The following ZNF521 variants were observed in gnomAD, a reference collection of about 807,000 sequenced individuals.
ZNF521 encodes the protein zinc finger protein 521, also known as LYST-interacting protein 3.
In ZNF521, 14 loss-of-function variants were observed where a neutral mutation model predicts 105.5. The ratio of observed to expected loss-of-function variants is 0.13; its 90% CI spans 0.09 to 0.21. ZNF521 has a LOEUF of 0.21. ZNF521 is among the 10% of genes least tolerant of loss of function. ZNF521 has a pLI of 1.00. For synonymous variants in ZNF521, 635 were observed against 606.0 expected (o/e 1.05, Z -0.70); for missense variants, 1,233 against 1,629.7 (o/e 0.76, Z 4.19).
chr18:25,333,501 T>C (rs1386698700), intron 2 of ZNF521, among the ~76,000 whole-genome samples: 1 of 152,098 alleles, frequency 6.6e-6, no homozygotes, highest in Non-Finnish European at 1.5e-5. Flanking sequence ...ATTTGAAACC[T>C]TACATTTAGC....
chr18:25,303,485 A>G (rs972095538), intron 3 of ZNF521, among the ~76,000 whole-genome samples: 1 of 151,896 alleles, frequency 6.6e-6, no homozygotes, highest in Admixed American at 6.6e-5. Context: ...TTTAGTAGAG[A>G]CGGGGTTTCA....
At chr18:25,334,401 C>T (rs1459542465) in intron 2 of ZNF521, among the ~76,000 whole-genome samples, 2 of 152,074 alleles carry the variant, frequency 1.3e-5, no homozygotes, top group Non-Finnish European at 2.9e-5. Flanking sequence ...ATGAAAGATG[C>T]CCACTTTCAA....
intron 3 of ZNF521, among the ~76,000 whole-genome samples, chr18:25,276,388 T>G (rs1910035893): frequency 6.6e-6 from 1 of 152,222 alleles, no homozygotes; most frequent in African/African-American, 2.4e-5. Flanking sequence ...GGCCTTAATA[T>G]TAGCTCTTTC....
At chr18:25,220,173 G>C (rs1381355572) in intron 4 of ZNF521, among the ~76,000 whole-genome samples, 5 of 152,224 alleles carry the variant, frequency 3.3e-5, no homozygotes, top group African/African-American at 1.2e-4. Context: ...AGGAAGCCAG[G>C]AAGGAAGACA....
At chr18:25,347,895 T>C (rs1056033158) in intron 2 of ZNF521, among the ~76,000 whole-genome samples, 8 of 152,206 alleles carry the variant, frequency 5.3e-5, no homozygotes, top group African/African-American at 1.7e-4. Context: ...TCTTGTTGGT[T>C]AAAGTACTAG....
intron 5 of ZNF521, among the ~76,000 whole-genome samples, chr18:25,093,148 GCT>G (rs1005671740): frequency 2.4e-4 from 36 of 152,032 alleles, no homozygotes; most frequent in African/African-American, 8.7e-4. Flanking sequence ...AAGTAACTTT[GCT>G]CTGAGTCACA....
intron 5 of ZNF521, among the ~76,000 whole-genome samples, chr18:25,119,661 C>T (rs181223712): frequency 1.1e-4 from 16 of 151,940 alleles, no homozygotes; most frequent in Admixed American, 5.9e-4. Context: ...TTAAAATTTA[C>T]GGGATGCAGC....
At chr18:25,161,762 G>T (rs891498639) in intron 5 of ZNF521, among the ~76,000 whole-genome samples, 2 of 152,314 alleles carry the variant, frequency 1.3e-5, no homozygotes, top group Admixed American at 6.5e-5. Context: ...CTAATGTACA[G>T]AGAGTAGGTT....
chr18:25,226,788 A>T lies in ZNF521; in HGVS notation c.1130T>A (p.Ile377Asn), dbSNP rs765616031. ...CCTCTTCCTCCCTCGACTCTTTGGG[A>T]TTGGCGGGGCAGCTTCCACCATGGT... ...SSTMVEAAPP[I>N]PKSRGRKRAA... The change falls in exon 4 of 8, where the codon ATC becomes AAC. Residue 377 changes from isoleucine to asparagine, a missense_variant. Ile to Asn is a moderately radical substitution (Grantham distance 149). This residue lies in a region of ZNF521 where 380 missense variants were observed against 478.0 expected (regional missense o/e 0.80). Transcript: ENST00000361524. The surrounding 1 kb of genome is among the most constrained non-coding windows in gnomAD (Gnocchi z 4.1). 2.5e-6 allele frequency: 4 copies of T among 1,613,472 alleles called. No individual in the cohort carries two copies. The Admixed American group carries it at 5.0e-5, about 20-fold the overall frequency.
chr18:25,306,648 T>G (rs1193439850), intron 3 of ZNF521, among the ~76,000 whole-genome samples: 1 of 152,134 alleles, frequency 6.6e-6, no homozygotes, highest in Non-Finnish European at 1.5e-5. Flanking sequence ...CAGATAAGAT[T>G]TGTAGGGTGT....
At chr18:25,093,104 T>G (rs1309233317) in intron 5 of ZNF521, among the ~76,000 whole-genome samples, 3 of 152,066 alleles carry the variant, frequency 2.0e-5, no homozygotes, top group Non-Finnish European at 4.4e-5. Context: ...TTAGTCTCAT[T>G]TTACAGATGA....
chr18:25,178,528 C>A (rs533186210), intron 5 of ZNF521, among the ~76,000 whole-genome samples: 1 of 152,304 alleles, frequency 6.6e-6, no homozygotes, highest in South Asian at 2.1e-4. Context: ...GGACGATTTA[C>A]CCTGAATTTA....
intron 4 of ZNF521, among the ~76,000 whole-genome samples, chr18:25,209,461 G>A (rs2036139870): frequency 6.6e-6 from 1 of 152,004 alleles, no homozygotes; most frequent in Non-Finnish European, 1.5e-5. Context: ...TACAAATCGT[G>A]GCCAAAAAGA....
intron 5 of ZNF521, among the ~76,000 whole-genome samples, chr18:25,148,119 T>C (rs1272879560): frequency 6.6e-6 from 1 of 152,090 alleles, no homozygotes; most frequent in Non-Finnish European, 1.5e-5. Context: ...CAGTTGACCA[T>C]TTGGAGAAGG....
rs67381140 is a variant in ZNF521, at chr18:25,273,220, C to CAAAAAAAAAAAAAA, written c.221-45537_221-45524dup. ...CCCAAGAGGAGTGAAACCCTGTCTC[C>CAAAAAAAAAAAAAA]AAAAAAAAAAAAAAAAAAAAAAAAA... On this transcript the variant is annotated intron_variant, in intron 3 of 7. Coordinates refer to ENST00000361524, the MANE Select transcript of ZNF521 (RefSeq NM_015461.3). Among the ~76,000 whole-genome samples, 319 of 40,874 alleles carry CAAAAAAAAAAAAAA rather than the reference C, an allele frequency of 7.8e-3. 24 individuals are homozygous for CAAAAAAAAAAAAAA. Among genetic ancestry groups the CAAAAAAAAAAAAAA allele is most frequent in the Middle Eastern group, 0.023 (1 of 44 alleles). The allele number at this position is 40,874 out of a possible 152,430, so 26.8% of individuals were successfully genotyped here.
At chr18:25,317,780 A>G (rs1912721530) in intron 3 of ZNF521, among the ~76,000 whole-genome samples, 1 of 152,214 alleles carries the variant, frequency 6.6e-6, no homozygotes, top group African/African-American at 2.4e-5. Context: ...AATCCACAAA[A>G]AATACCAATA....
At chr18:25,249,407 T>A (rs965432417) in intron 3 of ZNF521, among the ~76,000 whole-genome samples, 1 of 151,904 alleles carries the variant, frequency 6.6e-6, no homozygotes, top group African/African-American at 2.4e-5. Context: ...TTCACCCACC[T>A]CAGCCTCCCT....
At chr18:25,236,397 G>T (rs572322389) in intron 3 of ZNF521, among the ~76,000 whole-genome samples, 1 of 152,008 alleles carries the variant, frequency 6.6e-6, no homozygotes, top group Non-Finnish European at 1.5e-5. Flanking sequence ...TTAGCCGGGC[G>T]TGGTGGCATG....
At chr18:25,281,800 T>C (rs760048854) in intron 3 of ZNF521, among the ~76,000 whole-genome samples, 12 of 152,202 alleles carry the variant, frequency 7.9e-5, no homozygotes, top group Non-Finnish European at 1.6e-4. Flanking sequence ...AGGAGGTTTC[T>C]GACTGTCCAG....
Sources: gnomAD v4.1 joint callset for allele counts (sites outside exome capture counted in the v4.1 genomes callset) on GRCh38, gnomAD v4.1.1 for gene constraint, gnomAD v4.1.1 regional missense constraint, Gnocchi (gnomAD v3.1) non-coding constraint, MANE v1.5 for transcripts, NCBI Gene and HGNC (gene_info 2026-07-23, HGNC 2026-07-21) for gene names.